The following NCR1 variants were observed in gnomAD, a reference collection of about 807,000 sequenced individuals.
NCR1 encodes NK cell-activating receptor.
NCR1 carries 30 observed loss-of-function variants against 32.5 expected under a neutral mutation model. That is an observed-to-expected ratio of 0.92 (90% confidence interval 0.69 to 1.25). The LOEUF (loss-of-function observed/expected upper bound fraction) is 1.25. Ranked by LOEUF, NCR1 falls within the 50% of genes most tolerant of loss-of-function variation. The pLI is 0.00. For synonymous variants in NCR1, 169 were observed against 143.4 expected (o/e 1.18, Z -1.28); for missense variants, 369 against 380.7 (o/e 0.97, Z 0.26).
chr19:54,916,725 T>TTTTTTTC, downstream of NCR1, among the ~76,000 whole-genome samples: 1 of 141,842 alleles, frequency 7.1e-6, no homozygotes. Context: ...TTTTTTTTTT[T>TTTTTTTC]TTGAGTCTCG....
At chr19:54,927,388 A>G in the NCR1 span, among the ~76,000 whole-genome samples, 1 of 151,324 alleles carries the variant, frequency 6.6e-6, no homozygotes, top group Non-Finnish European at 1.5e-5. Flanking sequence ...TCTCAAAAAA[A>G]AAAAAAGAAA....
chr19:54,922,967 C>CAGAG, the NCR1 span, among the ~76,000 whole-genome samples: 22 of 149,942 alleles, frequency 1.5e-4, no homozygotes, highest in Non-Finnish European at 7.4e-5. Context: ...CACACAGAGA[C>CAGAG]AGAGAGAGAG....
chr19:54,916,201 T>C (rs1300885318), downstream of NCR1: 1 of 152,008 alleles, frequency 6.6e-6, no homozygotes, highest in African/African-American at 2.4e-5. Context: ...CTTCACAGCT[T>C]TGGCTGGTAA....
the NCR1 span, among the ~76,000 whole-genome samples, chr19:54,899,448 C>T: frequency 6.6e-6 from 1 of 151,596 alleles, no homozygotes; most frequent in Non-Finnish European, 1.5e-5. Context: ...GGAAGGGGTT[C>T]AGGGGTTCTT....
At chr19:54,909,877 G>T in intron 4 of NCR1, 141 bp from the exon 5 acceptor site, 1 of 687,528 alleles carries the variant, frequency 1.5e-6, no homozygotes, top group South Asian at 1.9e-5. Flanking sequence ...GGGGGTTGTA[G>T]TGAACCGAGA....
downstream of NCR1, among the ~76,000 whole-genome samples, chr19:54,919,713 G>GAC (rs1556721745): frequency 2.0e-4 from 22 of 107,796 alleles, 1 homozygote; most frequent in African/African-American, 7.4e-4. Context: ...GGGAAAGGGA[G>GAC]ACCCCCCCCC....
At chr19:54,913,461 G>C (rs751059173), downstream of NCR1, among the ~76,000 whole-genome samples, 49 of 152,320 alleles carry the variant, frequency 3.2e-4, no homozygotes, top group Non-Finnish European at 6.0e-4. Context: ...TTTCTGAAAA[G>C]ATCTCTCCTT....
chr19:54,934,464 C>G, the NCR1 span: 1 of 1,613,092 alleles, frequency 6.2e-7, no homozygotes, highest in Non-Finnish European at 8.5e-7. This position sits in a 1 kb window ranked among gnomAD's most constrained non-coding sequence, Gnocchi z 6.7. Context: ...TAAACCAGAG[C>G]TGCCCATGGG....
upstream of NCR1, among the ~76,000 whole-genome samples, chr19:54,903,882 T>C (rs982152349): frequency 1.3e-5 from 2 of 151,748 alleles, no homozygotes; most frequent in African/African-American, 4.8e-5. Context: ...CCCAGCACTT[T>C]GAGAGGCCGA....
chr19:54,931,012 G>C, the NCR1 span, among the ~76,000 whole-genome samples: 2 of 152,044 alleles, frequency 1.3e-5, no homozygotes, highest in Admixed American at 6.5e-5. Context: ...GACAGAGCGA[G>C]ACTCCGTCTC....
At chr19:54,902,748 C>T (rs780696954), upstream of NCR1, among the ~76,000 whole-genome samples, 1 of 152,024 alleles carries the variant, frequency 6.6e-6, no homozygotes, top group Non-Finnish European at 1.5e-5. Flanking sequence ...CCAAGCGCTC[C>T]GTAGGGGGAA....
chr19:54,900,171 T>C, the NCR1 span, among the ~76,000 whole-genome samples: 13,268 of 152,044 alleles, frequency 0.087, 813 homozygotes, highest in African/African-American at 0.18. Context: ...TGATTCGAGT[T>C]ATGGCACCAA....
At chr19:54,933,760 T>C in the NCR1 span, 1 of 1,609,290 alleles carries the variant, frequency 6.2e-7, no homozygotes, top group Non-Finnish European at 8.5e-7. Context: ...ATGAAACAAA[T>C]GGTAGAAGGA....
downstream of NCR1, among the ~76,000 whole-genome samples, chr19:54,915,200 A>G (rs1011103638): frequency 1.3e-5 from 2 of 152,124 alleles, no homozygotes; most frequent in Admixed American, 6.6e-5. Context: ...TCCCGCAACT[A>G]TAACGGGGTT....
downstream of NCR1, among the ~76,000 whole-genome samples, chr19:54,918,760 C>T (rs1569538187): frequency 1.3e-5 from 2 of 151,586 alleles, no homozygotes; most frequent in Admixed American, 6.6e-5. Context: ...GCAGGTGTAT[C>T]GCCTGAGGCC....
At chr19:54,934,658 A>G in the NCR1 span, 1 of 1,612,158 alleles carries the variant, frequency 6.2e-7, no homozygotes, top group Non-Finnish European at 8.5e-7. The surrounding 1 kb of genome is among the most constrained non-coding windows in gnomAD (Gnocchi z 6.7). Flanking sequence ...TGACCTCCCA[A>G]CCTGTGAAAA....
chr19:54,912,913 G>A lies in NCR1; in HGVS notation c.*42G>A. 6.3e-7 allele frequency: 1 copy of A among 1,593,596 alleles called. No individual in the cohort carries two copies. The highest frequency in any genetic ancestry group is 8.6e-7 in the Non-Finnish European group (1 of 1,167,692). On this transcript the variant is annotated 3_prime_UTR_variant, in exon 7 of 7. Transcript: ENST00000291890. ...ACAGTGGCCATGGGTGGATCTGAAA[G>A]CTGGTGTTGAGCCTGGGCGGCGTGA...
chr19:54,934,355 C>T, the NCR1 span: 2 of 897,294 alleles, frequency 2.2e-6, no homozygotes, highest in Non-Finnish European at 3.8e-6. The surrounding 1 kb of genome is among the most constrained non-coding windows in gnomAD (Gnocchi z 6.7). Context: ...GCAGGAGCCA[C>T]CGTGCCGGGC....
rs754249586 is a variant in NCR1 at position 54,906,575 on chromosome 19, G to A, written c.123G>A (p.Lys41=). 3.7e-6 allele frequency: 6 copies of A among 1,613,352 alleles called. No individual in the cohort carries two copies. Among genetic ancestry groups the A allele is most frequent in the Admixed American group, 3.3e-5 (2 of 60,000 alleles). The change falls in exon 3 of 7, where the codon AAG becomes AAA. Residue 41 remains lysine, a synonymous_variant. Transcript: ENST00000291890. ...CCGAGCCCCATTTCATGGTTCCAAA[G>A]GAAAAGCAAGTGACCATCTGTTGCC... ...IWAEPHFMVP[K]EKQVTICCQG...
Sources: allele counts gnomAD v4.1 joint callset (sites outside exome capture counted in the v4.1 genomes callset), GRCh38; gene constraint gnomAD v4.1.1; non-coding constraint Gnocchi (gnomAD v3.1); transcripts MANE v1.5; gene names NCBI Gene and HGNC (gene_info 2026-07-23, HGNC 2026-07-21).